CEP170: variants seen among roughly 807,000 people sequenced by gnomAD.
The protein encoded by CEP170 is centrosomal protein of 170 kDa.
CEP170 carries 21 observed loss-of-function variants against 151.9 expected under a neutral mutation model. The observed-to-expected ratio is 0.14, with a 90% CI of 0.10 to 0.20. CEP170 has a LOEUF of 0.20. Ranked by LOEUF, CEP170 falls within the 10% of genes least tolerant of loss-of-function variation. CEP170 has a pLI of 1.00. For missense variants in CEP170, 964 were observed against 1,892.9 expected (o/e 0.51, Z 9.11); for synonymous variants, 356 against 648.8 (o/e 0.55, Z 6.86).
chr1:243,221,244 G>C lies in CEP170; in HGVS notation c.195+480C>G, dbSNP rs985487732. 6.0e-4 allele frequency among the ~76,000 whole-genome samples: 92 copies of C among 152,214 alleles called. 1 individual carries two copies. The highest frequency in any genetic ancestry group is 6.5e-4 in the Admixed American group (10 of 15,280). On this transcript the variant is annotated intron_variant, in intron 3 of 19. Transcript: ENST00000366542. Reference sequence around the variant, plus strand: ...TTCACCGTGTTAGCCAGGATGGTCTGGATCTCCTGACCTCGTGATCCGCCC... The same window carrying C: ...TTCACCGTGTTAGCCAGGATGGTCTCGATCTCCTGACCTCGTGATCCGCCC...
At chr1:243,154,757 C>T (rs1263883279) in intron 14 of CEP170, among the ~76,000 whole-genome samples, 10 of 152,088 alleles carry the variant, frequency 6.6e-5, no homozygotes, top group Non-Finnish European at 1.5e-4. Flanking sequence ...AGTGTATAGC[C>T]CTTATTCCCT....
intron 10 of CEP170, among the ~76,000 whole-genome samples, chr1:243,178,999 G>C (rs560733543): frequency 4.0e-4 from 61 of 152,328 alleles, no homozygotes; most frequent in African/African-American, 1.3e-3. Context: ...TTACAGGCGT[G>C]AGCCACTGCG....
In CEP170 at chr1:243,156,641, T is replaced by C; in HGVS notation, c.3677-186A>G. ...TAGAGATAGAAACATTACACTTCGG[T>C]GAATTAAAAACAATGAAGAATCAAA... On this transcript the variant is annotated intron_variant, in intron 13 of 19. Coordinates refer to ENST00000366542, the MANE Select transcript of CEP170 (RefSeq NM_014812.3). 4 of 483,700 alleles carry C rather than the reference T, an allele frequency of 8.3e-6. No individual in the cohort carries two copies. The South Asian group carries it at 1.4e-4, about 17-fold the overall frequency. 30.0% of individuals were successfully genotyped at this position (483,700 alleles called of 1,614,324 possible). A position where few individuals can be genotyped will look rare whatever the true frequency, so the allele number is the denominator to read the frequency against.
intron 4 of CEP170, 138 bp from the exon 5 acceptor site, chr1:243,200,973 A>G: frequency 1.4e-6 from 1 of 724,768 alleles, no homozygotes; most frequent in South Asian, 2.5e-5. Context: ...GAATAGTTAA[A>G]TATTAAAATA....
At chr1:243,184,610 T>C (rs2059825325) in intron 10 of CEP170, among the ~76,000 whole-genome samples, 2 of 152,158 alleles carry the variant, frequency 1.3e-5, no homozygotes, top group Admixed American at 1.3e-4. Context: ...TTATACGTAC[T>C]CTCTTACAGT....
At chr1:243,206,743 T>C (rs1249357853) in intron 4 of CEP170, among the ~76,000 whole-genome samples, 1 of 152,240 alleles carries the variant, frequency 6.6e-6, no homozygotes, top group Non-Finnish European at 1.5e-5. Flanking sequence ...CAATGTAGTA[T>C]GGGGTTTGTG....
intron 2 of CEP170, among the ~76,000 whole-genome samples, chr1:243,224,408 G>A (rs2063063414): frequency 6.6e-6 from 1 of 151,312 alleles, no homozygotes; most frequent in Admixed American, 6.6e-5. Flanking sequence ...AAGAAGAATT[G>A]TCTTGGGTCA....
chr1:243,184,870 G>A (rs1461622076), intron 10 of CEP170, among the ~76,000 whole-genome samples: 2 of 152,006 alleles, frequency 1.3e-5, no homozygotes, highest in Admixed American at 1.3e-4. Context: ...ATATAGGATG[G>A]GCCTGAGAAG....
At chr1:243,161,162 G>A (rs938191795) in intron 13 of CEP170, among the ~76,000 whole-genome samples, 3 of 151,598 alleles carry the variant, frequency 2.0e-5, no homozygotes, top group Non-Finnish European at 4.4e-5. Context: ...AATTAGGCGG[G>A]CATGGTGGCA....
At chr1:243,248,590 T>C (rs1249904764) in intron 1 of CEP170, among the ~76,000 whole-genome samples, 1 of 152,162 alleles carries the variant, frequency 6.6e-6, no homozygotes, top group Non-Finnish European at 1.5e-5. Context: ...ATCCAAAACA[T>C]TTGACTCTCT....
chr1:243,148,301 T>C (rs1016259552), intron 14 of CEP170, among the ~76,000 whole-genome samples: 1 of 152,264 alleles, frequency 6.6e-6, no homozygotes, highest in East Asian at 1.9e-4. Context: ...CTGGGCGCGG[T>C]GGCTCATGCC....
intron 4 of CEP170, among the ~76,000 whole-genome samples, chr1:243,204,509 A>C (rs1184449733): frequency 1.3e-5 from 2 of 152,220 alleles, no homozygotes; most frequent in Non-Finnish European, 2.9e-5. Context: ...GACTTACATG[A>C]TTAAAATGAT....
At chr1:243,203,413 A>G (rs1558578753) in intron 4 of CEP170, among the ~76,000 whole-genome samples, 1 of 152,200 alleles carries the variant, frequency 6.6e-6, no homozygotes, top group Non-Finnish European at 1.5e-5. Context: ...TAAAAGTAGG[A>G]CTGTGGAAAC....
chr1:243,128,570 A>C (rs2053983046), intron 18 of CEP170: 1 of 357,070 alleles, frequency 2.8e-6, no homozygotes, highest in Non-Finnish European at 4.9e-6. Context: ...ATTTAAGCAA[A>C]GATTTTTTTT....
intron 10 of CEP170, among the ~76,000 whole-genome samples, chr1:243,182,114 T>C (rs1312961849): frequency 2.0e-5 from 3 of 151,064 alleles, no homozygotes; most frequent in African/African-American, 7.4e-5. Flanking sequence ...CTTGTTCTTA[T>C]GGGAATGGAT....
intron 1 of CEP170, among the ~76,000 whole-genome samples, chr1:243,226,023 ACG>A (rs2063206605): frequency 7.1e-6 from 1 of 140,432 alleles, no homozygotes; most frequent in African/African-American, 2.6e-5. Flanking sequence ...ATATATACAC[ACG>A]TATATATATC....
At chr1:243,166,393 T>C in intron 12 of CEP170, 1 of 383,904 alleles carries the variant, frequency 2.6e-6, no homozygotes, top group Non-Finnish European at 4.7e-6. Flanking sequence ...TGTTATACTG[T>C]ATTGCTTAGT....
chr1:243,164,513 T>C lies in CEP170; in HGVS notation c.3447A>G (p.Leu1149=), dbSNP rs368768738. ...GTCGTGTTCTACGAGGCTGAGCCAA[T>C]AAATCAATCCGAGAGATGTTACGCC... ...TGRRNISRID[L]LAQPRRTRLG... Residue 1149 remains leucine (L), a synonymous_variant, in exon 13 of 20, where the codon TTA becomes TTG. Transcript: ENST00000366542. 1.6e-4 allele frequency: 260 copies of C among 1,612,418 alleles called. No homozygotes were observed. The highest frequency in any genetic ancestry group is 2.5e-4 in the Admixed American group (15 of 59,722).
intron 3 of CEP170, among the ~76,000 whole-genome samples, chr1:243,221,173 C>T (rs999538716): frequency 3.9e-5 from 6 of 152,086 alleles, no homozygotes; most frequent in Non-Finnish European, 5.9e-5. Context: ...TACAGGAGCC[C>T]GCCACCACAC....
Sources: allele counts gnomAD v4.1 joint callset (sites outside exome capture counted in the v4.1 genomes callset), GRCh38; gene constraint gnomAD v4.1.1; transcripts MANE v1.5; gene names NCBI Gene and HGNC (gene_info 2026-07-23, HGNC 2026-07-21).